The following LRRFIP2 variants were observed in gnomAD, a reference collection of about 807,000 sequenced individuals.
LRRFIP2 encodes LRR binding FLII interacting protein 2.
LRRFIP2 carries 109 observed loss-of-function variants against 125.9 expected under a neutral mutation model. The ratio of observed to expected loss-of-function variants is 0.87; its 90% CI spans 0.74 to 1.01. The LOEUF is 1.01. Among genes scored for constraint, LRRFIP2 ranks in the 50% least tolerant of loss-of-function variants. The pLI is 0.00. For missense variants in LRRFIP2, 850 were observed against 862.3 expected (o/e 0.99, Z 0.18); for synonymous variants, 291 against 293.1 (o/e 0.99, Z 0.07).
At chr3:37,121,982 A>G (rs1559943421) in intron 4 of LRRFIP2, among the ~76,000 whole-genome samples, 2 of 151,514 alleles carry the variant, frequency 1.3e-5, no homozygotes, top group Non-Finnish European at 2.9e-5. Context: ...GGTTTGTAAC[A>G]TATGTATACA....
intron 21 of LRRFIP2, among the ~76,000 whole-genome samples, chr3:37,070,738 A>G (rs929705412): frequency 1.3e-5 from 2 of 152,116 alleles, no homozygotes; most frequent in Non-Finnish European, 2.9e-5. Flanking sequence ...TCAAAAAAAG[A>G]ATACTAAAAT....
chr3:37,090,011 G>A (rs1029860576), intron 18 of LRRFIP2, among the ~76,000 whole-genome samples: 19 of 152,064 alleles, frequency 1.2e-4, no homozygotes, highest in African/African-American at 4.1e-4. Context: ...TCACCTTTTT[G>A]GGTCCTGAGT....
intron 21 of LRRFIP2, chr3:37,066,765 A>T (rs1455739630): frequency 3.7e-5 from 6 of 161,304 alleles, no homozygotes; most frequent in African/African-American, 1.4e-4. Flanking sequence ...TTGATTTTTT[A>T]AAAAATAGTT....
rs1275799645 is a variant in LRRFIP2 at position 37,086,399 on chromosome 3, T to C, written c.1108-2593A>G. Among the ~76,000 whole-genome samples the C allele has an allele frequency of 3.9e-5, 6 of 152,206 alleles. No homozygotes were observed. The East Asian group carries it at 1.2e-3, about 29-fold the overall frequency. ...TCTACCAAAGAGAATTGAAAAGATATGTCTACACAAAAACTTGCACACAAA... is the reference window on the plus strand; with the variant it reads ...TCTACCAAAGAGAATTGAAAAGATACGTCTACACAAAAACTTGCACACAAA... On this transcript the variant is annotated intron_variant, in intron 18 of 27. Coordinates refer to ENST00000336686, the MANE Select transcript of LRRFIP2 (RefSeq NM_006309.4).
chr3:37,126,377 A>G (rs1330063653), intron 4 of LRRFIP2, among the ~76,000 whole-genome samples: 1 of 152,136 alleles, frequency 6.6e-6, no homozygotes, highest in African/African-American at 2.4e-5. Flanking sequence ...AGAACGGGTT[A>G]GAAGTGATAA....
In LRRFIP2 at chr3:37,138,583, C is replaced by T. The variant is rs115301784; in HGVS notation, c.91-9434G>A. ...CCTTATCCAAGTAAGTTCCAAGTCC[C>T]CCCGGAGATGCCTGAAACTGCAGAT... On this transcript the variant is annotated intron_variant, in intron 2 of 27. Transcript: ENST00000336686. Among the ~76,000 whole-genome samples, 953 of 152,276 alleles carry T rather than the reference C, an allele frequency of 6.3e-3. 7 individuals are homozygous for T. The highest frequency in any genetic ancestry group is 0.021 in the African/African-American group (876 of 41,552).
At chr3:37,157,111 A>G (rs1375396133) in intron 1 of LRRFIP2, among the ~76,000 whole-genome samples, 1 of 152,172 alleles carries the variant, frequency 6.6e-6, no homozygotes, top group Non-Finnish European at 1.5e-5. Flanking sequence ...CCTGGGCAAC[A>G]AGAGTGCAAC....
At chr3:37,089,912 C>T (rs1357171126) in intron 18 of LRRFIP2, among the ~76,000 whole-genome samples, 1 of 152,210 alleles carries the variant, frequency 6.6e-6, no homozygotes, top group Non-Finnish European at 1.5e-5. Context: ...TCAACTATTT[C>T]CGTAATTCTT....
intron 1 of LRRFIP2, among the ~76,000 whole-genome samples, chr3:37,159,708 C>T (rs1386100189): frequency 2.6e-5 from 4 of 151,582 alleles, no homozygotes; most frequent in African/African-American, 4.8e-5. Flanking sequence ...GGTTTCACCA[C>T]GTTGGCCAGG....
At chr3:37,096,513 A>G (rs1576488021) in intron 16 of LRRFIP2, 103 bp downstream of exon 16, 2 of 714,872 alleles carry the variant, frequency 2.8e-6, no homozygotes, top group East Asian at 6.1e-5. Context: ...AGGGAGGAAG[A>G]GCAGCTACAT....
At chr3:37,137,632 TCTC>T (rs2095591294) in intron 2 of LRRFIP2, among the ~76,000 whole-genome samples, 1 of 152,262 alleles carries the variant, frequency 6.6e-6, no homozygotes, top group South Asian at 2.1e-4. Flanking sequence ...ATGTAGATAA[TCTC>T]CTTTTACTGT....
At chr3:37,104,592 C>T (rs1490213328) in intron 14 of LRRFIP2, among the ~76,000 whole-genome samples, 1 of 152,202 alleles carries the variant, frequency 6.6e-6, no homozygotes, top group Non-Finnish European at 1.5e-5. Context: ...ATTACAGCCT[C>T]TTATGCTCTT....
chr3:37,142,119 A>G (rs1050286695), intron 2 of LRRFIP2, among the ~76,000 whole-genome samples: 4 of 151,390 alleles, frequency 2.6e-5, no homozygotes, highest in Non-Finnish European at 4.4e-5. Flanking sequence ...ATTTCTCTTC[A>G]ATAGGTGGTT....
chr3:37,126,499 C>A (rs2149642800), intron 4 of LRRFIP2, among the ~76,000 whole-genome samples: 1 of 152,142 alleles, frequency 6.6e-6, no homozygotes. Context: ...CCAAAGGTCA[C>A]CCCTTTCAAT....
intron 24 of LRRFIP2, among the ~76,000 whole-genome samples, chr3:37,061,006 T>C (rs2088491274): frequency 6.6e-6 from 1 of 152,200 alleles, no homozygotes; most frequent in Admixed American, 6.5e-5. Context: ...ATCTGGGTCA[T>C]GGGGCAGATC....
At chr3:37,161,343 G>C (rs1383468498) in intron 1 of LRRFIP2, among the ~76,000 whole-genome samples, 1 of 151,824 alleles carries the variant, frequency 6.6e-6, no homozygotes, top group Non-Finnish European at 1.5e-5. Context: ...TGGGCAAAAA[G>C]CAAGACTGTT....
intron 25 of LRRFIP2, among the ~76,000 whole-genome samples, chr3:37,057,293 C>G (rs936132565): frequency 6.6e-6 from 1 of 152,226 alleles, no homozygotes; most frequent in African/African-American, 2.4e-5. Context: ...TCCCTACCCT[C>G]TCTCTAAGAC....
intron 19 of LRRFIP2, among the ~76,000 whole-genome samples, chr3:37,077,164 C>T (rs370519470): frequency 1.3e-4 from 20 of 152,150 alleles, no homozygotes; most frequent in East Asian, 5.8e-4. Flanking sequence ...ACATACCTTT[C>T]GACCCAGCAA....
chr3:37,076,066 T>A (rs1478372911), intron 19 of LRRFIP2, among the ~76,000 whole-genome samples: 1 of 151,616 alleles, frequency 6.6e-6, no homozygotes, highest in Non-Finnish European at 1.5e-5. Context: ...GAGATTTACA[T>A]AAGGAAAGAA....
Sources: allele counts gnomAD v4.1 joint callset (sites outside exome capture counted in the v4.1 genomes callset), GRCh38; gene constraint gnomAD v4.1.1; transcripts MANE v1.5; gene names NCBI Gene and HGNC (gene_info 2026-07-23, HGNC 2026-07-21).